SIPA1L2: variants seen among roughly 807,000 people sequenced by gnomAD.
SIPA1L2 encodes signal-induced proliferation-associated 1-like protein 2.
A neutral mutation model predicts 163.9 loss-of-function variants in SIPA1L2; 56 were observed. The ratio of observed to expected loss-of-function variants is 0.34; its 90% CI spans 0.28 to 0.43. SIPA1L2 has a LOEUF of 0.43. Among genes scored for constraint, SIPA1L2 ranks in the 20% least tolerant of loss-of-function variants. SIPA1L2 has a pLI of 1.00. For synonymous variants in SIPA1L2, 877 were observed against 865.7 expected (o/e 1.01, Z -0.23); for missense variants, 1,974 against 2,193.5 (o/e 0.90, Z 2.00).
At chr1:232,472,128 A>C (rs1374702127) in intron 7 of SIPA1L2, among the ~76,000 whole-genome samples, 1 of 152,208 alleles carries the variant, frequency 6.6e-6, no homozygotes, top group East Asian at 1.9e-4. Context: ...ATAAATCACA[A>C]ATCTGGCAGG....
chr1:232,440,752 CACTGGGCT>C (rs1321676486), intron 14 of SIPA1L2, among the ~76,000 whole-genome samples: 3 of 152,184 alleles, frequency 2.0e-5, no homozygotes, highest in African/African-American at 7.2e-5. Flanking sequence ...AGTTTTGTTT[CACTGGGCT>C]ACAGTCTCCC....
intron 15 of SIPA1L2, 24 bp from the exon 16 acceptor site, chr1:232,432,495 C>T (rs898409992): frequency 1.2e-6 from 2 of 1,600,392 alleles, no homozygotes; most frequent in East Asian, 2.2e-5. Flanking sequence ...CAGACAAAAG[C>T]TGCAATACAA....
At chr1:232,520,279 C>T (rs761723277) in intron 2 of SIPA1L2, among the ~76,000 whole-genome samples, 8 of 152,214 alleles carry the variant, frequency 5.3e-5, no homozygotes, top group Non-Finnish European at 1.0e-4. Flanking sequence ...CAACATTCTG[C>T]AAGCACTTTA....
intron 7 of SIPA1L2, among the ~76,000 whole-genome samples, chr1:232,477,736 G>A (rs1050819119): frequency 1.3e-5 from 2 of 152,158 alleles, no homozygotes; most frequent in Admixed American, 6.5e-5. Flanking sequence ...AAACTCGAAT[G>A]CCTACAGATT....
chr1:232,445,718 T>A lies in SIPA1L2; in HGVS notation c.3164A>T (p.Glu1055Val), dbSNP rs754737401. ...YKLDSEGTPC[E>V]YKTPFRRNTT... ...GTTCCTCCTGAAGGGGGTTTTATAC[T>A]CGCAGGGGGTGCCCTCGCTGTCGAG... is the stretch of plus-strand genomic sequence containing the variant. Residue 1055 changes from glutamate (E) to valine (V), a missense_variant, in exon 11 of 23, where the codon GAG becomes GTG. This residue lies in a region of SIPA1L2 where 1,079 missense variants were observed against 1,150.7 expected (regional missense o/e 0.94). Transcript: ENST00000674635. 6.2e-7 allele frequency: 1 copy of A among 1,613,642 alleles called. No homozygotes were observed. The highest frequency in any genetic ancestry group is 8.5e-7 in the Non-Finnish European group (1 of 1,179,892).
chr1:232,410,253 C>A (rs1222724512), intron 19 of SIPA1L2, among the ~76,000 whole-genome samples: 1 of 152,070 alleles, frequency 6.6e-6, no homozygotes, highest in African/African-American at 2.4e-5. Flanking sequence ...TCTCTCAAAT[C>A]TTAATTTTTG....
rs370204748 is a variant in SIPA1L2 at position 232,626,130 on chromosome 1, C to T, written c.-319+3739G>A. On this transcript the variant is annotated intron_variant, in intron 1 of 22. Transcript: ENST00000674635. ...TTTTGGTACATCAAAAGGATTTTGA[C>T]GAAATGCATTGACAATAGGTAGTAA... Among the ~76,000 whole-genome samples, 9 of 151,804 alleles carry T rather than the reference C, an allele frequency of 5.9e-5. No individual in the cohort carries two copies. In the South Asian group the frequency reaches 6.2e-4, roughly 11 times the overall value.
At chr1:232,488,986 T>C (rs1478894056) in intron 5 of SIPA1L2, among the ~76,000 whole-genome samples, 1 of 152,184 alleles carries the variant, frequency 6.6e-6, no homozygotes, top group Non-Finnish European at 1.5e-5. Context: ...AACTTGTAGC[T>C]GCCATGATGT....
chr1:232,509,724 G>C (rs1346684631), intron 3 of SIPA1L2, among the ~76,000 whole-genome samples: 1 of 152,172 alleles, frequency 6.6e-6, no homozygotes, highest in Non-Finnish European at 1.5e-5. Context: ...TCTGCCTGGA[G>C]TCCTTAATGG....
intron 18 of SIPA1L2, among the ~76,000 whole-genome samples, chr1:232,418,919 C>A (rs1661412689): frequency 6.6e-6 from 1 of 152,186 alleles, no homozygotes; most frequent in African/African-American, 2.4e-5. Context: ...TGATAAGTGA[C>A]TACTGCCTGC....
rs1666040306 is a variant in SIPA1L2 at position 232,493,645 on chromosome 1, A to C, written c.1499T>G (p.Phe500Cys). The change falls in exon 4 of 23, where the codon TTT (phenylalanine) becomes TGT (cysteine). Residue 500 changes from phenylalanine to cysteine, a missense_variant. Transcript: ENST00000674635. ...TGGACCAAGGTTTTCATCTATTCCA[A>C]AGTAGTTTTGGTGCTCTATAATGGA... is the stretch of plus-strand genomic sequence containing the variant. ...FFYGKEHQNYFGIDENLGPVA... is the reference protein window; with the variant it reads ...FFYGKEHQNYCGIDENLGPVA... 1 of 1,613,914 alleles carries C rather than the reference A, an allele frequency of 6.2e-7. No homozygotes were observed. The highest frequency in any genetic ancestry group is 8.5e-7 in the Non-Finnish European group (1 of 1,179,982).
At chr1:232,521,483 T>G (rs1667457270) in intron 2 of SIPA1L2, among the ~76,000 whole-genome samples, 1 of 152,200 alleles carries the variant, frequency 6.6e-6, no homozygotes, top group African/African-American at 2.4e-5. Flanking sequence ...AATCAAAGGT[T>G]TGTTAAATGG....
chr1:232,476,535 G>T (rs1213595550), intron 7 of SIPA1L2, among the ~76,000 whole-genome samples: 1 of 152,080 alleles, frequency 6.6e-6, no homozygotes, highest in Non-Finnish European at 1.5e-5. Flanking sequence ...ACCATGACTT[G>T]TCTCCAGGGC....
At chr1:232,613,888 C>A (rs1175119918) in intron 1 of SIPA1L2, among the ~76,000 whole-genome samples, 1 of 152,170 alleles carries the variant, frequency 6.6e-6, no homozygotes. Context: ...GAATCGCCCA[C>A]AGGATTTGAA....
At chr1:232,423,074 T>C (rs1027626798) in intron 18 of SIPA1L2, among the ~76,000 whole-genome samples, 7 of 152,216 alleles carry the variant, frequency 4.6e-5, no homozygotes, top group African/African-American at 1.7e-4. Flanking sequence ...GAACTGGCAG[T>C]GAGTCACAGC....
At chr1:232,559,361 C>A (rs573849408) in intron 2 of SIPA1L2, among the ~76,000 whole-genome samples, 1 of 152,308 alleles carries the variant, frequency 6.6e-6, no homozygotes, top group Admixed American at 6.5e-5. Flanking sequence ...CAGCTAGACC[C>A]GGCATGTAGA....
At chr1:232,440,622 C>A (rs1282895446) in intron 14 of SIPA1L2, among the ~76,000 whole-genome samples, 1 of 152,204 alleles carries the variant, frequency 6.6e-6, no homozygotes, top group Non-Finnish European at 1.5e-5. Context: ...AGAAGAAAGA[C>A]ATAACTTAAT....
chr1:232,595,470 C>T (rs1488503220), intron 1 of SIPA1L2, among the ~76,000 whole-genome samples: 2 of 152,098 alleles, frequency 1.3e-5, no homozygotes, highest in Non-Finnish European at 2.9e-5. Flanking sequence ...GCTGGGCTGT[C>T]ACTGCTGCAC....
intron 1 of SIPA1L2, among the ~76,000 whole-genome samples, chr1:232,612,046 G>A (rs540739415): frequency 8.5e-5 from 13 of 152,326 alleles, no homozygotes; most frequent in South Asian, 2.1e-4. Context: ...AGGGGTCAGC[G>A]TTGAGCTGGG....
Sources: allele counts gnomAD v4.1 joint callset (sites outside exome capture counted in the v4.1 genomes callset), GRCh38; gene constraint gnomAD v4.1.1; regional missense constraint gnomAD v4.1.1; transcripts MANE v1.5; gene names NCBI Gene and HGNC (gene_info 2026-07-23, HGNC 2026-07-21).